C1QTNF3: variants seen among roughly 807,000 people sequenced by gnomAD.
The protein encoded by C1QTNF3 is complement C1q tumor necrosis factor-related protein 3.
Under a neutral mutation model 32.6 loss-of-function variants are expected in C1QTNF3, and 26 were observed. The observed-to-expected ratio is 0.80, with a 90% confidence interval of 0.58 to 1.11. The LOEUF (loss-of-function observed/expected upper bound fraction) is 1.11. Among genes scored for constraint, C1QTNF3 ranks in the 50% least tolerant of loss-of-function variants. The probability of loss-of-function intolerance (pLI) is 0.00; values close to 1 mark genes in which losing one functional copy is unlikely to be tolerated. For synonymous variants in C1QTNF3, 155 were observed against 146.0 expected, an observed-to-expected ratio of 1.06 and a Z score of -0.44; for missense variants, 362 against 398.2, an observed-to-expected ratio of 0.91 and a Z score of 0.77.
chr5:34,024,024 A>G lies in C1QTNF3; in HGVS notation c.701-16T>C. On this transcript the variant is annotated splice_polypyrimidine_tract_variant and intron_variant, in intron 4 of 5. Coordinates refer to ENST00000382065, the MANE Select transcript of C1QTNF3 (RefSeq NM_181435.6). ...AAATACACACCTGAAAAAAGCAGGT[A>G]TATATCCATGTTGATATTAACATGT... 6.2e-7 allele frequency: 1 copy of G among 1,602,110 alleles called. No homozygotes were observed. The highest frequency in any genetic ancestry group is 8.6e-7 in the Non-Finnish European group (1 of 1,169,534).
rs368042055 is a variant in C1QTNF3 at position 34,039,270 on chromosome 5, T to TA, written c.304-3513dup. Among the ~76,000 whole-genome samples the TA allele has an allele frequency of 7.6e-4, 116 of 152,264 alleles. No individual in the cohort carries two copies. The Middle Eastern group carries it at 0.01, about 13-fold the overall frequency. On this transcript the variant is annotated intron_variant, in intron 1 of 5. Coordinates refer to ENST00000382065, the MANE Select transcript of C1QTNF3 (RefSeq NM_181435.6). Reference sequence around the variant, plus strand: ...GCAAGACCCCAGAAGTATGCCAACGTAAAAAAACCCCAAGTCAAAAGGTCA... The same window carrying TA: ...GCAAGACCCCAGAAGTATGCCAACGTAAAAAAAACCCCAAGTCAAAAGGTCA...
At chr5:34,223,583 AG>A in the C1QTNF3 span, among the ~76,000 whole-genome samples, 63 of 151,974 alleles carry the variant, frequency 4.1e-4, no homozygotes, top group African/African-American at 1.5e-3. Context: ...TAGATCCCTG[AG>A]GAATTGCCAC....
the C1QTNF3 span, among the ~76,000 whole-genome samples, chr5:34,113,956 GAC>G: frequency 6.6e-6 from 1 of 152,162 alleles, no homozygotes; most frequent in Non-Finnish European, 1.5e-5. Context: ...ATCCATCATA[GAC>G]ACATTCATAA....
At chr5:34,146,245 G>C in the C1QTNF3 span, among the ~76,000 whole-genome samples, 2 of 152,122 alleles carry the variant, frequency 1.3e-5, no homozygotes, top group Non-Finnish European at 1.5e-5. Context: ...TCATGGATAG[G>C]AAGAATCAAT....
At chr5:34,224,128 A>G in the C1QTNF3 span, among the ~76,000 whole-genome samples, 1 of 152,208 alleles carries the variant, frequency 6.6e-6, no homozygotes, top group Non-Finnish European at 1.5e-5. Flanking sequence ...AGAACAACAA[A>G]CCACTGCTCA....
the C1QTNF3 span, among the ~76,000 whole-genome samples, chr5:34,062,447 G>A: frequency 6.6e-6 from 1 of 152,158 alleles, no homozygotes; most frequent in Admixed American, 6.5e-5. Flanking sequence ...TATGAGAGAT[G>A]GATCCTGTTT....
the C1QTNF3 span, among the ~76,000 whole-genome samples, chr5:34,091,643 C>T: frequency 1.3e-5 from 2 of 152,214 alleles, no homozygotes. Flanking sequence ...TATTTAACTG[C>T]AACACCAGAT....
chr5:34,164,306 C>T, the C1QTNF3 span, among the ~76,000 whole-genome samples: 1 of 152,110 alleles, frequency 6.6e-6, no homozygotes. Context: ...AGATATTTTG[C>T]ACTCGAATTA....
the C1QTNF3 span, among the ~76,000 whole-genome samples, chr5:34,197,440 A>G: frequency 6.6e-6 from 1 of 152,250 alleles, no homozygotes; most frequent in Non-Finnish European, 1.5e-5. Context: ...AAAGCAAATA[A>G]TTAGTGGAGT....
the C1QTNF3 span, among the ~76,000 whole-genome samples, chr5:34,129,113 C>T: frequency 6.6e-6 from 1 of 151,956 alleles, no homozygotes; most frequent in Non-Finnish European, 1.5e-5. Flanking sequence ...GTGGCACTTC[C>T]CCCTTCACAC....
At chr5:34,036,511 C>T (rs6860715) in intron 1 of C1QTNF3, among the ~76,000 whole-genome samples, 78,772 of 152,068 alleles carry the variant, frequency 0.52, 20,716 homozygotes, top group Non-Finnish European at 0.55. Flanking sequence ...AAATCTACTC[C>T]TAACAATTTT....
At chr5:34,046,621 G>C (rs1282032136), upstream of C1QTNF3, among the ~76,000 whole-genome samples, 2 of 152,184 alleles carry the variant, frequency 1.3e-5, no homozygotes, top group Non-Finnish European at 2.9e-5. Flanking sequence ...CTAACACCTT[G>C]ATCTCAGACG....
the C1QTNF3 span, among the ~76,000 whole-genome samples, chr5:34,183,033 C>CAGTG: frequency 0.053 from 7,639 of 145,122 alleles, 1 homozygote; most frequent in African/African-American, 0.16. Flanking sequence ...GGCTGGAGTG[C>CAGTG]AGTGGCATGA....
chr5:34,194,937 A>T, the C1QTNF3 span, among the ~76,000 whole-genome samples: 1 of 148,230 alleles, frequency 6.7e-6, no homozygotes, highest in African/African-American at 2.6e-5. Flanking sequence ...GGACAAGAAA[A>T]AAGTCTTTAC....
At chr5:34,052,488 G>T in the C1QTNF3 span, among the ~76,000 whole-genome samples, 1 of 152,308 alleles carries the variant, frequency 6.6e-6, no homozygotes, top group East Asian at 1.9e-4. Context: ...TGGACAGATA[G>T]ATGGATGAAC....
the C1QTNF3 span, among the ~76,000 whole-genome samples, chr5:34,158,947 TAC>T: frequency 0.079 from 12,077 of 152,058 alleles, 1,199 homozygotes; most frequent in African/African-American, 0.23. Flanking sequence ...GAAATATACT[TAC>T]ACACACAAAC....
the C1QTNF3 span, among the ~76,000 whole-genome samples, chr5:34,160,496 G>A: frequency 6.6e-6 from 1 of 152,120 alleles, no homozygotes; most frequent in South Asian, 2.1e-4. Context: ...ATTGGACTAC[G>A]AGGGAGCTGG....
chr5:34,123,184 A>G, the C1QTNF3 span, among the ~76,000 whole-genome samples: 1 of 152,176 alleles, frequency 6.6e-6, no homozygotes, highest in South Asian at 2.1e-4. Flanking sequence ...AGGCTATCAC[A>G]GAGAGCACCA....
chr5:34,058,777 C>G, the C1QTNF3 span, among the ~76,000 whole-genome samples: 1 of 152,208 alleles, frequency 6.6e-6, no homozygotes, highest in Non-Finnish European at 1.5e-5. Flanking sequence ...CCCTGACATG[C>G]TGTTTGTCAT....
Sources: allele counts gnomAD v4.1 joint callset (sites outside exome capture counted in the v4.1 genomes callset), GRCh38; gene constraint gnomAD v4.1.1; transcripts MANE v1.5; gene names NCBI Gene and HGNC (gene_info 2026-07-23, HGNC 2026-07-21).